Variants in SYNE1 observed in about 807,000 individuals in gnomAD.
SYNE1 encodes the protein nesprin-1.
Under a neutral mutation model 1,111.0 loss-of-function variants are expected in SYNE1, and 616 were observed. The ratio of observed to expected loss-of-function variants is 0.55; its 90% CI spans 0.52 to 0.59. The LOEUF (loss-of-function observed/expected upper bound fraction) is 0.59, where lower values mean the gene tolerates loss of function less well. SYNE1 is among the 20% of genes least tolerant of loss of function. The pLI is 0.00. For missense variants in SYNE1, 10,006 were observed against 10,417.0 expected, an observed-to-expected ratio of 0.96 and a Z score of 1.72; for synonymous variants, 3,855 against 3,825.8, an observed-to-expected ratio of 1.01 and a Z score of -0.28.
rs2061120562 is a variant in SYNE1 at position 152,155,010 on chromosome 6, A to C, written c.24011T>G (p.Phe8004Cys). The change falls in exon 133 of 146, where the codon TTT (phenylalanine) becomes TGT (cysteine). Residue 8004 changes from phenylalanine (F) to cysteine (C), a missense_variant. Phe to Cys is a radical substitution (Grantham distance 205). Coordinates refer to ENST00000367255, the MANE Select transcript of SYNE1 (RefSeq NM_182961.4). ...TTCAAAACGTGAATAGTCATCCAGA[A>C]ATTTCTGCCACAATCGCCACGTCTC... ...IEETWRLWQK[F>C]LDDYSRFEDW... is the part of the protein sequence containing the mutation. The C allele has an allele frequency of 1.2e-6, 2 of 1,614,070 alleles. No individual in the cohort carries two copies. Among genetic ancestry groups the C allele is most frequent in the East Asian group, 4.5e-5 (2 of 44,886 alleles).
intron 3 of SYNE1, among the ~76,000 whole-genome samples, chr6:152,601,355 C>G (rs941123251): frequency 7.2e-5 from 11 of 152,140 alleles, no homozygotes; most frequent in Non-Finnish European, 1.6e-4. Flanking sequence ...TTGAGGTTCA[C>G]CTAATCCATG....
Position 152,330,475 on chromosome 6 carries a change from T to A in SYNE1, c.14210A>T (p.Lys4737Ile). Reference protein sequence around the residue: ...GEAVDELNQKKEGFRSTGQPW... With the variant: ...GEAVDELNQKIEGFRSTGQPW... ...CTGACCTGTGCTGCGAAAACCTTCTTTTTTCTGGTTCAGTTCATCCACCGC... is the reference window on the plus strand; with the variant it reads ...CTGACCTGTGCTGCGAAAACCTTCTATTTTCTGGTTCAGTTCATCCACCGC... Residue 4737 changes from lysine (K) to isoleucine (I), a missense_variant, in exon 78 of 146, where the codon AAA (lysine) becomes ATA (isoleucine). Around this residue, in one of 7 missense-constraint regions of SYNE1, gnomAD observed 4,955 missense variants for 5,017.2 expected, o/e 0.99. Coordinates refer to ENST00000367255, the MANE Select transcript of SYNE1 (RefSeq NM_182961.4). The A allele has an allele frequency of 6.2e-7, 1 of 1,614,128 alleles. No homozygotes were observed. The highest frequency in any genetic ancestry group is 1.1e-5 in the South Asian group (1 of 91,072).
chr6:152,207,265 G>C (rs1042638169), intron 125 of SYNE1, among the ~76,000 whole-genome samples: 1 of 152,172 alleles, frequency 6.6e-6, no homozygotes, highest in African/African-American at 2.4e-5. Context: ...GTTCTGCTGG[G>C]ACCCACAGGG....
chr6:152,331,517 T>C lies in SYNE1; in HGVS notation c.13168A>G (p.Ile4390Val), dbSNP rs373338932. ...TGCTTGGCCTCCAGTTCACTGCAGA[T>C]GGCCAGGTGATCCATGAGAAGGTTC... is the stretch of plus-strand genomic sequence containing the variant. ...AQNLLMDHLA[I>V]CSELEAKQML... Residue 4390 changes from isoleucine to valine, a missense_variant, in exon 78 of 146, where the codon ATC becomes GTC. This residue lies in a region of SYNE1 where 4,955 missense variants were observed against 5,017.2 expected (regional missense o/e 0.99). Coordinates refer to ENST00000367255, the MANE Select transcript of SYNE1 (RefSeq NM_182961.4). The C allele has an allele frequency of 6.8e-6, 11 of 1,614,016 alleles. No individual in the cohort carries two copies. The African/African-American group carries it at 1.5e-4, about 22-fold the overall frequency.
chr6:152,135,698 G>A (rs960108489), intron 141 of SYNE1, among the ~76,000 whole-genome samples: 5 of 152,312 alleles, frequency 3.3e-5, no homozygotes, highest in African/African-American at 1.2e-4. Flanking sequence ...TGTACTAGGA[G>A]TGGGTGCAGA....
chr6:152,328,380 T>TTTTATTTTA (rs374503996), intron 78 of SYNE1, among the ~76,000 whole-genome samples: 3,102 of 137,464 alleles, frequency 0.023, 141 homozygotes, highest in East Asian at 0.2. Flanking sequence ...TCTTATTTTA[T>TTTTATTTTA]TTTATTTATT....
At chr6:152,336,030 A>T (rs2096380703) in intron 76 of SYNE1, 1 of 151,542 alleles carries the variant, frequency 6.6e-6, no homozygotes, top group African/African-American at 2.4e-5. Context: ...ATATATAAAT[A>T]TGTAATACAA....
rs555385097 is a variant in SYNE1, at chr6:152,557,237, C to T, written c.68-17216G>A. Reference sequence around the variant, plus strand: ...AAGAAAGAATCAGAAAGCTTGAAGACAGGCTTGACATTATTCAGTCAGAGG... The same window carrying T: ...AAGAAAGAATCAGAAAGCTTGAAGATAGGCTTGACATTATTCAGTCAGAGG... On this transcript the variant is annotated intron_variant, in intron 3 of 145. Coordinates refer to ENST00000367255, the MANE Select transcript of SYNE1 (RefSeq NM_182961.4). Among the ~76,000 whole-genome samples, 6 of 152,048 alleles carry T rather than the reference C, an allele frequency of 3.9e-5. No homozygotes were observed. The South Asian group carries it at 1.2e-3, about 32-fold the overall frequency.
intron 55 of SYNE1, among the ~76,000 whole-genome samples, chr6:152,385,392 G>C (rs2097509933): frequency 6.6e-6 from 1 of 152,112 alleles, no homozygotes; most frequent in Admixed American, 6.5e-5. Flanking sequence ...ATAGTATCTG[G>C]TTTTGTCAGC....
At chr6:152,385,409 A>C (rs892064786) in intron 55 of SYNE1, among the ~76,000 whole-genome samples, 9 of 152,176 alleles carry the variant, frequency 5.9e-5, no homozygotes, top group Admixed American at 4.6e-4. Context: ...CAGCCCACCA[A>C]ATTAGCCATT....
rs141149371 is a variant in SYNE1, at chr6:152,346,229, C to T, written c.12078+830G>A. 2.3e-4 allele frequency among the ~76,000 whole-genome samples: 35 copies of T among 152,164 alleles called. No individual in the cohort carries two copies. The East Asian group carries it at 6.0e-3, about 26-fold the overall frequency. ...TCCCCCAGGCTGGAGTGCAGTGGCG[C>T]GATCTCGGCTCACTGCAATCTCTGC... On this transcript the variant is annotated intron_variant, in intron 73 of 145. Transcript: ENST00000367255.
chr6:152,348,506 G>A (rs894122667), intron 72 of SYNE1, among the ~76,000 whole-genome samples: 4 of 152,142 alleles, frequency 2.6e-5, no homozygotes, highest in African/African-American at 7.2e-5. Context: ...CCAACATGGT[G>A]TAACCCTGTC....
intron 58 of SYNE1, chr6:152,375,972 A>G (rs1293559419): frequency 5.5e-6 from 1 of 180,192 alleles, no homozygotes; most frequent in Non-Finnish European, 1.2e-5. Context: ...AGATCTAGAG[A>G]AGCGGTCCCC....
chr6:152,317,977 T>C, intron 86 of SYNE1, 104 bp downstream of exon 86: 1 of 1,471,240 alleles, frequency 6.8e-7, no homozygotes, highest in Non-Finnish European at 9.5e-7. Context: ...TCTCTCATTG[T>C]CCATTTTATC....
At position 152,164,149 on chromosome 6, in the gene SYNE1, A is replaced by G. The variant is rs778602073; in HGVS notation, c.23790+14T>C. Reference sequence around the variant, plus strand: ...TCCATGGCTTATTAATTCCATTTCCATTTTAAGTCTTACCTGCTGCTCATT... The same window carrying G: ...TCCATGGCTTATTAATTCCATTTCCGTTTTAAGTCTTACCTGCTGCTCATT... On this transcript the variant is annotated intron_variant, in intron 131 of 145. Coordinates refer to ENST00000367255, the MANE Select transcript of SYNE1 (RefSeq NM_182961.4). 5 of 1,613,936 alleles carry G rather than the reference A, an allele frequency of 3.1e-6. No individual in the cohort carries two copies. Among genetic ancestry groups the G allele is most frequent in the South Asian group, 1.1e-5 (1 of 91,040 alleles).
intron 95 of SYNE1, among the ~76,000 whole-genome samples, chr6:152,288,260 C>G (rs1400825938): frequency 1.3e-5 from 2 of 152,148 alleles, no homozygotes; most frequent in East Asian, 3.9e-4. Flanking sequence ...CTACCCACTC[C>G]TGTTGCCATT....
intron 81 of SYNE1, among the ~76,000 whole-genome samples, chr6:152,323,994 TAA>T (rs111494685): frequency 2.0e-5 from 3 of 151,616 alleles, no homozygotes; most frequent in African/African-American, 7.2e-5. Context: ...GAAAAAGCTT[TAA>T]AAAAAAACTA....
intron 106 of SYNE1, among the ~76,000 whole-genome samples, chr6:152,242,848 G>T (rs2086076065): frequency 6.6e-6 from 1 of 152,050 alleles, no homozygotes; most frequent in Non-Finnish European, 1.5e-5. Context: ...TGAAGTCACT[G>T]AAAGGATAAA....
rs767506088 is a variant in SYNE1 at position 152,391,394 on chromosome 6, C to T, written c.7887G>A (p.Leu2629=). 3.7e-6 allele frequency: 6 copies of T among 1,613,976 alleles called. No individual in the cohort carries two copies. The South Asian group carries it at 6.6e-5, about 18-fold the overall frequency. The change falls in exon 52 of 146, where the codon CTG becomes CTA. Residue 2629 remains leucine, a synonymous_variant. Coordinates refer to ENST00000367255, the MANE Select transcript of SYNE1 (RefSeq NM_182961.4). The stretch of plus-strand genomic sequence containing the variant: ...ACCACATGCTTTGCAGTGCTTCCTC[C>T]AGGGCTTCGTGCTCCTGAAGGGCCA... ...CQVALQEHEA[L]EEALQSMWFW... is the part of the protein sequence containing the mutation.
Sources: allele counts gnomAD v4.1 joint callset (sites outside exome capture counted in the v4.1 genomes callset), GRCh38; gene constraint gnomAD v4.1.1; regional missense constraint gnomAD v4.1.1; transcripts MANE v1.5; gene names NCBI Gene and HGNC (gene_info 2026-07-23, HGNC 2026-07-21).